The following NFIB variants were observed in gnomAD, a reference collection of about 807,000 sequenced individuals.
NFIB encodes nuclear factor I B.
In NFIB, 11 loss-of-function variants were observed where a neutral mutation model predicts 61.5. The ratio of observed to expected loss-of-function variants is 0.18; its 90% CI spans 0.11 to 0.30. The LOEUF (loss-of-function observed/expected upper bound fraction) is 0.30. Among genes scored for constraint, NFIB ranks in the 10% least tolerant of loss-of-function variants. NFIB has a pLI of 1.00. For synonymous variants in NFIB, 260 were observed against 216.5 expected, an observed-to-expected ratio of 1.20 and a Z score of -1.76; for missense variants, 471 against 608.9, an observed-to-expected ratio of 0.77 and a Z score of 2.38.
the NFIB span, among the ~76,000 whole-genome samples, chr9:14,518,010 C>G: frequency 6.6e-6 from 1 of 152,208 alleles, no homozygotes; most frequent in Non-Finnish European, 1.5e-5. Context: ...GATGTAAACT[C>G]CACAAGGAAG....
rs376158437 is a variant in NFIB, at chr9:14,311,897, A to G, written c.30+1585T>C. Among the ~76,000 whole-genome samples, 7 of 152,346 alleles carry G rather than the reference A, an allele frequency of 4.6e-5. No individual in the cohort carries two copies. The East Asian group carries it at 1.3e-3, about 29-fold the overall frequency. ...TATCAAGTTAACACAGCTTATCAGA[A>G]AGAGAAAAATATATCCAGCCGATGG... On this transcript the variant is annotated intron_variant, in intron 1 of 10. Coordinates refer to ENST00000380953, the MANE Select transcript of NFIB (RefSeq NM_001190737.2).
At chr9:14,112,085 C>G (rs1269266638) in intron 10 of NFIB, among the ~76,000 whole-genome samples, 1 of 152,208 alleles carries the variant, frequency 6.6e-6, no homozygotes, top group South Asian at 2.1e-4. Context: ...AAATAAAGAG[C>G]GAGTTAGTTA....
chr9:14,386,351 A>G (rs556478988), intron 1 of NFIB, among the ~76,000 whole-genome samples: 47 of 152,324 alleles, frequency 3.1e-4, no homozygotes, highest in African/African-American at 1.1e-3. Context: ...TTCTGAACCC[A>G]AAAGAACAGA....
At chr9:14,290,311 C>A (rs1276629742) in intron 2 of NFIB, among the ~76,000 whole-genome samples, 1 of 151,976 alleles carries the variant, frequency 6.6e-6, no homozygotes, top group East Asian at 1.9e-4. Context: ...TAATATTTTT[C>A]TCCGCACTTT....
rs2032505240 is a variant in NFIB, at chr9:14,084,364, G to A, written c.*3945C>T. The A allele has an allele frequency of 2.3e-5, 5 of 221,102 alleles. No homozygotes were observed. The Admixed American group carries it at 2.9e-4, about 13-fold the overall frequency. The allele number at this position is 221,102 out of a possible 1,614,324, so 13.7% of individuals were successfully genotyped here. On this transcript the variant is annotated 3_prime_UTR_variant, in exon 11 of 11. Coordinates refer to ENST00000380953, the MANE Select transcript of NFIB (RefSeq NM_001190737.2). ...GTCTACAAGGTAGGCGGTTCATTAAGAAGACCTTTCGCTCTTCTCGCTACT... is the reference window on the plus strand; with the variant it reads ...GTCTACAAGGTAGGCGGTTCATTAAAAAGACCTTTCGCTCTTCTCGCTACT...
In NFIB at chr9:14,189,770, C is replaced by T. The variant is rs536766881; in HGVS notation, c.563-9990G>A. The stretch of plus-strand genomic sequence containing the variant: ...TGCCCTAGCATATTCCTGGCACATA[C>T]TAGATGCTCAATCAGTATGTGTTGA... On this transcript the variant is annotated intron_variant, in intron 2 of 10. Coordinates refer to ENST00000380953, the MANE Select transcript of NFIB (RefSeq NM_001190737.2). 1.2e-4 allele frequency among the ~76,000 whole-genome samples: 18 copies of T among 149,920 alleles called. No individual in the cohort carries two copies. In the East Asian group the frequency reaches 3.5e-3, roughly 29 times the overall value.
chr9:14,356,682 G>A (rs894063239), intron 1 of NFIB, among the ~76,000 whole-genome samples: 2 of 152,184 alleles, frequency 1.3e-5, no homozygotes, highest in African/African-American at 4.8e-5. Flanking sequence ...TCCTCAGCTG[G>A]GGTGAGTTAG....
chr9:14,382,483 T>G (rs1473914514), intron 1 of NFIB, among the ~76,000 whole-genome samples: 1 of 151,826 alleles, frequency 6.6e-6, no homozygotes, highest in Non-Finnish European at 1.5e-5. Context: ...GGGAGAGAGG[T>G]GACTATATTT....
At chr9:14,317,035 C>G (rs1026434152), upstream of NFIB, 2 of 152,122 alleles carry the variant, frequency 1.3e-5, no homozygotes, top group Non-Finnish European at 2.9e-5. Context: ...CACCACACCA[C>G]CCCCAGTGAA....
chr9:14,115,674 C>T (rs1175772034), intron 9 of NFIB, among the ~76,000 whole-genome samples: 2 of 152,146 alleles, frequency 1.3e-5, no homozygotes, highest in Non-Finnish European at 2.9e-5. Flanking sequence ...GTGCCTAATA[C>T]TAAGTTTTGA....
chr9:14,495,446 C>CTTTTTTTTGTTTT, the NFIB span, among the ~76,000 whole-genome samples: 1 of 117,264 alleles, frequency 8.5e-6, no homozygotes, highest in African/African-American at 3.8e-5. Context: ...GAGAAATGAA[C>CTTTTTTTTGTTTT]TTTTTTTTTT....
At chr9:14,326,883 A>AAATAC (rs1254430998) in intron 1 of NFIB, among the ~76,000 whole-genome samples, 8 of 151,458 alleles carry the variant, frequency 5.3e-5, no homozygotes, top group Non-Finnish European at 1.0e-4. Flanking sequence ...AGACTTATAA[A>AAATAC]AATACTATGA....
At chr9:14,522,705 T>C in the NFIB span, among the ~76,000 whole-genome samples, 73 of 152,244 alleles carry the variant, frequency 4.8e-4, no homozygotes, top group African/African-American at 1.6e-3. Context: ...GAGTCTCATA[T>C]TCTTCCACCT....
chr9:14,252,657 C>T (rs2055768333), intron 2 of NFIB, among the ~76,000 whole-genome samples: 1 of 138,860 alleles, frequency 7.2e-6, no homozygotes, highest in African/African-American at 3.1e-5. Flanking sequence ...AATGAACTAT[C>T]TGTTACTACT....
At chr9:14,131,216 T>C (rs1485647093) in intron 6 of NFIB, among the ~76,000 whole-genome samples, 1 of 152,178 alleles carries the variant, frequency 6.6e-6, no homozygotes, top group African/African-American at 2.4e-5. Context: ...CATCGTGTAG[T>C]TGAATATGGA....
At chr9:14,478,905 T>C in the NFIB span, among the ~76,000 whole-genome samples, 1 of 152,216 alleles carries the variant, frequency 6.6e-6, no homozygotes, top group Non-Finnish European at 1.5e-5. Flanking sequence ...GCTCACAAAA[T>C]AGCATGTGTA....
At chr9:14,113,285 A>G (rs1181633089) in intron 9 of NFIB, among the ~76,000 whole-genome samples, 1 of 152,166 alleles carries the variant, frequency 6.6e-6, no homozygotes, top group Non-Finnish European at 1.5e-5. Context: ...TATTCCCCCT[A>G]AAAAATCTAT....
chr9:14,498,955 C>A, the NFIB span, among the ~76,000 whole-genome samples: 25 of 151,842 alleles, frequency 1.6e-4, no homozygotes, highest in Admixed American at 7.9e-4. Flanking sequence ...CAGAGCTTTA[C>A]AGTTGAAGGC....
At chr9:14,483,475 C>G in the NFIB span, among the ~76,000 whole-genome samples, 1 of 152,178 alleles carries the variant, frequency 6.6e-6, no homozygotes, top group Non-Finnish European at 1.5e-5. Context: ...CTAATTTTCA[C>G]GGAGGCATCA....
Sources: gnomAD v4.1 joint callset for allele counts (sites outside exome capture counted in the v4.1 genomes callset) on GRCh38, gnomAD v4.1.1 for gene constraint, MANE v1.5 for transcripts, NCBI Gene and HGNC (gene_info 2026-07-23, HGNC 2026-07-21) for gene names.